Variants in HELZ observed in about 807,000 individuals in gnomAD.
HELZ encodes ATP-dependent RNA helicase with zinc finger domain.
HELZ carries 23 observed loss-of-function variants against 218.2 expected under a neutral mutation model. The ratio of observed to expected loss-of-function variants is 0.11; its 90% CI spans 0.08 to 0.15. The LOEUF (loss-of-function observed/expected upper bound fraction) is 0.15, where lower values mean the gene tolerates loss of function less well. Among genes scored for constraint, HELZ ranks in the 10% least tolerant of loss-of-function variants. The probability of loss-of-function intolerance (pLI) is 1.00; values close to 1 mark genes in which losing one functional copy is unlikely to be tolerated. For missense variants in HELZ, 1,813 were observed against 2,353.7 expected, an observed-to-expected ratio of 0.77 and a Z score of 4.75; for synonymous variants, 814 against 829.4, an observed-to-expected ratio of 0.98 and a Z score of 0.32.
chr17:67,136,359 T>C (rs1567831046), intron 22 of HELZ, among the ~76,000 whole-genome samples, 161 bp from the exon 23 acceptor site: 2 of 152,216 alleles, frequency 1.3e-5, no homozygotes, highest in Non-Finnish European at 2.9e-5. Flanking sequence ...GAATGTCCAA[T>C]GGTACAGCTG....
intron 26 of HELZ, 24 bp downstream of exon 26, chr17:67,122,946 A>T: frequency 6.6e-7 from 1 of 1,512,704 alleles, no homozygotes; most frequent in Non-Finnish European, 9.1e-7. Flanking sequence ...GATTCAATAG[A>T]AAGTATTTCG....
Position 67,075,518 on chromosome 17 carries a change from T to C in HELZ, c.*2734A>G, listed in dbSNP as rs779895404. On this transcript the variant is annotated 3_prime_UTR_variant, in exon 33 of 33. Coordinates refer to ENST00000358691, the MANE Select transcript of HELZ (RefSeq NM_014877.4). ...TTTCATAAATCTGATTTATGGGTAC[T>C]TGCTACTACTACTCAAGTAATACCC... The C allele has an allele frequency of 6.6e-6, 1 of 152,234 alleles. No individual in the cohort carries two copies. Among genetic ancestry groups the C allele is most frequent in the Non-Finnish European group, 1.5e-5 (1 of 68,028 alleles). The allele number at this position is 152,234 out of a possible 1,614,324, so 9.4% of individuals were successfully genotyped here. A position where few individuals can be genotyped will look rare whatever the true frequency, so the allele number is the denominator to read the frequency against.
chr17:67,230,968 CAG>C (rs1401144131), intron 3 of HELZ, among the ~76,000 whole-genome samples: 3 of 152,070 alleles, frequency 2.0e-5, no homozygotes, highest in African/African-American at 7.2e-5. Flanking sequence ...AAGTAAAAAA[CAG>C]ATTATAAATA....
intron 3 of HELZ, among the ~76,000 whole-genome samples, chr17:67,235,320 C>G (rs1322662881): frequency 1.3e-5 from 2 of 152,242 alleles, no homozygotes; most frequent in East Asian, 3.9e-4. Flanking sequence ...GCCTGAACAA[C>G]ATGGTGAAAC....
At chr17:67,088,433 G>A (rs950701529) in intron 31 of HELZ, among the ~76,000 whole-genome samples, 1 of 152,210 alleles carries the variant, frequency 6.6e-6, no homozygotes, top group Non-Finnish European at 1.5e-5. Flanking sequence ...AGCACAAGCA[G>A]ACATTATCAA....
chr17:67,191,296 C>G (rs1334073604), intron 9 of HELZ, among the ~76,000 whole-genome samples: 2 of 152,012 alleles, frequency 1.3e-5, no homozygotes, highest in Non-Finnish European at 2.9e-5. Context: ...TTTTATATTA[C>G]AGAGTCACAA....
chr17:67,094,507 A>G (rs1002637448), intron 31 of HELZ, among the ~76,000 whole-genome samples: 9 of 152,224 alleles, frequency 5.9e-5, no homozygotes, highest in Admixed American at 1.3e-4. Flanking sequence ...AACTACTGCA[A>G]TACAGCTAAT....
chr17:67,224,041 C>A lies in HELZ; in HGVS notation c.-18-5219G>T, dbSNP rs1444869455. ...ATTTCCCTTCGAGAATTCACCTCTC[C>A]CCATCTCTCAGACCATGTGGTTCCT... is the stretch of plus-strand genomic sequence containing the variant. On this transcript the variant is annotated intron_variant, in intron 3 of 32. Coordinates refer to ENST00000358691, the MANE Select transcript of HELZ (RefSeq NM_014877.4). 2.0e-5 allele frequency among the ~76,000 whole-genome samples: 3 copies of A among 152,168 alleles called. No homozygotes were observed. In the East Asian group the frequency reaches 5.8e-4, roughly 29 times the overall value.
intron 26 of HELZ, among the ~76,000 whole-genome samples, chr17:67,122,394 A>C (rs185327491): frequency 2.9e-4 from 44 of 152,340 alleles, no homozygotes; most frequent in Admixed American, 5.2e-4. Context: ...AAATACAAAA[A>C]AATTAGCCAG....
At chr17:67,101,111 G>GAAA (rs34193245) in intron 31 of HELZ, among the ~76,000 whole-genome samples, 1 of 59,968 alleles carries the variant, frequency 1.7e-5, no homozygotes, top group African/African-American at 4.7e-5. Flanking sequence ...CTCCGTCTCA[G>GAAA]AAAAAAAAAA....
chr17:67,244,079 C>T, intron 1 of HELZ: 1 of 684,416 alleles, frequency 1.5e-6, no homozygotes, highest in East Asian at 1.3e-4. Flanking sequence ...ATAAAATCAT[C>T]TTTTTCAACA....
intron 1 of HELZ, chr17:67,244,697 G>T (rs571791693): frequency 1.0e-6 from 1 of 984,294 alleles, no homozygotes; most frequent in East Asian, 1.1e-4. Flanking sequence ...CACCCCACCC[G>T]GTGGAAGTCC....
chr17:67,176,226 C>T (rs952517371), intron 13 of HELZ: 3 of 152,140 alleles, frequency 2.0e-5, no homozygotes, highest in East Asian at 1.9e-4. Flanking sequence ...AATACATACA[C>T]GTATGTGTAT....
In HELZ at chr17:67,239,450, G is replaced by A. The variant is rs1011885396; in HGVS notation, c.-36C>T. 2 of 152,144 alleles carry A rather than the reference G, an allele frequency of 1.3e-5. No homozygotes were observed. The highest frequency in any genetic ancestry group is 4.8e-5 in the African/African-American group (2 of 41,420). The allele number at this position is 152,144 out of a possible 1,614,324, so 9.4% of individuals were successfully genotyped here. ...TTACTCACCTGCAGTTCACTGCACT[G>A]GGTATCACCCAAATAGCCCATCAGA... On this transcript the variant is annotated 5_prime_UTR_variant, in exon 3 of 33. The change creates a premature stop within an existing upstream ORF in the 5' untranslated region. Transcript: ENST00000358691.
At chr17:67,212,887 T>C (rs559180566) in intron 5 of HELZ, among the ~76,000 whole-genome samples, 4 of 152,284 alleles carry the variant, frequency 2.6e-5, no homozygotes, top group African/African-American at 9.6e-5. Flanking sequence ...ATGAATATAT[T>C]ACCAAGCTGC....
At chr17:67,091,741 C>T (rs2036579907) in intron 31 of HELZ, among the ~76,000 whole-genome samples, 1 of 152,174 alleles carries the variant, frequency 6.6e-6, no homozygotes, top group African/African-American at 2.4e-5. Context: ...CTTTCCATGT[C>T]ATGGACACTC....
intron 23 of HELZ, among the ~76,000 whole-genome samples, chr17:67,131,603 G>C (rs889115853): frequency 6.6e-6 from 1 of 151,894 alleles, no homozygotes; most frequent in African/African-American, 2.4e-5. Flanking sequence ...AAAGCACATG[G>C]ATTCTAGAAC....
At chr17:67,127,964 T>C (rs2037855143) in intron 24 of HELZ, among the ~76,000 whole-genome samples, 1 of 151,938 alleles carries the variant, frequency 6.6e-6, no homozygotes, top group Non-Finnish European at 1.5e-5. Flanking sequence ...ACAGAACAAA[T>C]ACTAAACATG....
chr17:67,180,985 AGAG>A (rs1378518368), intron 12 of HELZ, among the ~76,000 whole-genome samples: 4 of 149,914 alleles, frequency 2.7e-5, no homozygotes. Flanking sequence ...CCCAAGAGGC[AGAG>A]GATGCAGTGA....
Sources: gnomAD v4.1 joint callset for allele counts (sites outside exome capture counted in the v4.1 genomes callset) on GRCh38, gnomAD v4.1.1 for gene constraint, MANE v1.5 for transcripts, NCBI Gene and HGNC (gene_info 2026-07-23, HGNC 2026-07-21) for gene names.